The following ARHGEF10L variants were observed in gnomAD, a reference collection of about 807,000 sequenced individuals.
The protein encoded by ARHGEF10L is Rho guanine nucleotide exchange factor 10 like.
A neutral mutation model predicts 141.2 loss-of-function variants in ARHGEF10L; 69 were observed. The ratio of observed to expected loss-of-function variants is 0.49; its 90% CI spans 0.40 to 0.60. ARHGEF10L has a LOEUF of 0.60. Among genes scored for constraint, ARHGEF10L ranks in the 20% least tolerant of loss-of-function variants. The pLI is 0.00. For synonymous variants in ARHGEF10L, 711 were observed against 718.5 expected (o/e 0.99, Z 0.17); for missense variants, 1,482 against 1,734.3 (o/e 0.85, Z 2.58).
intron 28 of ARHGEF10L, 72 bp from the exon 29 acceptor site, chr1:17,696,776 A>C: frequency 7.2e-7 from 1 of 1,393,732 alleles, no homozygotes; most frequent in Non-Finnish European, 9.7e-7. Flanking sequence ...GTTCTCCAGG[A>C]GAGAGACTCA....
At chr1:17,587,103 A>G (rs1315239649) in intron 2 of ARHGEF10L, among the ~76,000 whole-genome samples, 1 of 152,224 alleles carries the variant, frequency 6.6e-6, no homozygotes, top group African/African-American at 2.4e-5. Context: ...CAAACATACA[A>G]TAAGCTTGTG....
In ARHGEF10L at chr1:17,645,753, C is replaced by T. The variant is rs529763966; in HGVS notation, c.2273-2801C>T. Among the ~76,000 whole-genome samples, 14 of 152,360 alleles carry T rather than the reference C, an allele frequency of 9.2e-5. 1 individual carries two copies. The highest frequency in any genetic ancestry group is 1.9e-4 in the East Asian group (1 of 5,182). On this transcript the variant is annotated intron_variant, in intron 21 of 28. Coordinates refer to ENST00000361221, the MANE Select transcript of ARHGEF10L (RefSeq NM_018125.4). ...TCGCAGGCACCGTGCAAGGCGCCCC[C>T]GTGGGTTAGTTCCTTGGCATCTGGA...
At chr1:17,599,494 G>T (rs1557784910) in intron 4 of ARHGEF10L, among the ~76,000 whole-genome samples, 1 of 152,186 alleles carries the variant, frequency 6.6e-6, no homozygotes, top group African/African-American at 2.4e-5. Context: ...CTAAGCTCAC[G>T]TCTGTTCCAG....
chr1:17,522,695 A>C, the ARHGEF10L span, among the ~76,000 whole-genome samples: 1 of 152,078 alleles, frequency 6.6e-6, no homozygotes, highest in African/African-American at 2.4e-5. Context: ...GCTTGCTCTG[A>C]GTGTGATGCC....
the ARHGEF10L span, among the ~76,000 whole-genome samples, chr1:17,516,492 A>C: frequency 0.013 from 1,929 of 152,254 alleles, 40 homozygotes; most frequent in African/African-American, 0.044. Flanking sequence ...CACAAAGGCC[A>C]GCTCTGGCAG....
Position 17,558,788 on chromosome 1 carries a change from C to A in ARHGEF10L, c.-44+18838C>A, listed in dbSNP as rs1429622501. ...GAGTCAGAAAGGATGCCCTGTGAAC[C>A]TCACTGAGGAGCTGTGGCTCTGTGG... is the stretch of plus-strand genomic sequence containing the variant. On this transcript the variant is annotated intron_variant, in intron 1 of 28. Transcript: ENST00000361221. This position sits in a 1 kb window ranked among gnomAD's most constrained non-coding sequence, Gnocchi z 4.2. Among the ~76,000 whole-genome samples, 3 of 152,204 alleles carry A rather than the reference C, an allele frequency of 2.0e-5. No individual in the cohort carries two copies. Among genetic ancestry groups the A allele is most frequent in the Non-Finnish European group, 4.4e-5 (3 of 68,032 alleles).
At chr1:17,526,070 C>T in the ARHGEF10L span, among the ~76,000 whole-genome samples, 1 of 151,988 alleles carries the variant, frequency 6.6e-6, no homozygotes, top group Non-Finnish European at 1.5e-5. Context: ...AATAACTCCC[C>T]CACTCCCCAT....
chr1:17,608,404 A>G (rs912215420), intron 7 of ARHGEF10L, among the ~76,000 whole-genome samples: 1 of 152,232 alleles, frequency 6.6e-6, no homozygotes, highest in Non-Finnish European at 1.5e-5. Flanking sequence ...TGCTCAGACC[A>G]GGCCTCAGCC....
chr1:17,538,632 T>A (rs998006537), upstream of ARHGEF10L, among the ~76,000 whole-genome samples: 2 of 151,500 alleles, frequency 1.3e-5, no homozygotes, highest in Non-Finnish European at 2.9e-5. Context: ...GGCTGGGGTC[T>A]GTCTGGTTCT....
intron 2 of ARHGEF10L, among the ~76,000 whole-genome samples, chr1:17,586,665 G>A (rs1287920865): frequency 3.3e-5 from 5 of 152,192 alleles, no homozygotes; most frequent in South Asian, 2.1e-4. Context: ...GGACCAGAGA[G>A]TAGAGGGGAC....
chr1:17,574,673 C>T (rs867315700), intron 1 of ARHGEF10L, among the ~76,000 whole-genome samples: 26 of 152,302 alleles, frequency 1.7e-4, no homozygotes, highest in Non-Finnish European at 2.9e-4. Flanking sequence ...CTTCTGCCTG[C>T]GCCCCTCCTG....
chr1:17,639,897 TCA>T lies in ARHGEF10L; in HGVS notation c.2172-302_2172-301del. The T allele has an allele frequency of 7.0e-7, 1 of 1,429,014 alleles. No individual in the cohort carries two copies. Among genetic ancestry groups the T allele is most frequent in the Non-Finnish European group, 9.3e-7 (1 of 1,078,938 alleles). The allele number at this position is 1,429,014 out of a possible 1,614,324, so 88.5% of individuals were successfully genotyped here. Reference sequence around the variant, plus strand: ...ACAGCTGACCGCTGACCAGGTGGAGTCACAGCCTGCAGAGGCTCTGCCGGGCA... The same window carrying T: ...ACAGCTGACCGCTGACCAGGTGGAGTCAGCCTGCAGAGGCTCTGCCGGGCA... On this transcript the variant is annotated intron_variant, in intron 20 of 28. Coordinates refer to ENST00000361221, the MANE Select transcript of ARHGEF10L (RefSeq NM_018125.4). This position sits in a 1 kb window ranked among gnomAD's most constrained non-coding sequence, Gnocchi z 4.3.
Position 17,697,282 on chromosome 1 carries a change from C to A in ARHGEF10L, c.3742C>A (p.Arg1248Ser), listed in dbSNP as rs763986259. The change falls in exon 29 of 29, where the codon CGC becomes AGC. Residue 1248 changes from arginine (R) to serine (S), a missense_variant. Arg to Ser is a moderately radical substitution (Grantham distance 110). Around this residue, in one of 3 missense-constraint regions of ARHGEF10L, gnomAD observed 858 missense variants for 966.3 expected, o/e 0.89. Coordinates refer to ENST00000361221, the MANE Select transcript of ARHGEF10L (RefSeq NM_018125.4). This position sits in a 1 kb window ranked among gnomAD's most constrained non-coding sequence, Gnocchi z 4.8. ...CATCATCTCCGGCGGGCAGGGCTAC[C>A]GCAACTTTGGCAGCGCTCTGGGCAG... ...VAIISGGQGY[R>S]NFGSALGSSG... 6.2e-7 allele frequency: 1 copy of A among 1,612,770 alleles called. No individual in the cohort carries two copies.
rs2060452199 is a variant in ARHGEF10L, at chr1:17,627,509, C to A, written c.1584+6C>A. On this transcript the variant is annotated splice_donor_region_variant and intron_variant, in intron 15 of 28. Coordinates refer to ENST00000361221, the MANE Select transcript of ARHGEF10L (RefSeq NM_018125.4). The surrounding 1 kb of genome is among the most constrained non-coding windows in gnomAD (Gnocchi z 4.0). ...ACCGCAGCAGCCTCAACAAGGTGAG[C>A]TGGGCCTCCCACCTGCCTGCCCTCA... 4.3e-6 allele frequency: 7 copies of A among 1,610,806 alleles called. No individual in the cohort carries two copies. The East Asian group carries it at 1.6e-4, about 36-fold the overall frequency.
At chr1:17,514,537 G>A in the ARHGEF10L span, among the ~76,000 whole-genome samples, 1 of 152,290 alleles carries the variant, frequency 6.6e-6, no homozygotes, top group East Asian at 1.9e-4. Flanking sequence ...CCATCCTTGG[G>A]AGTGGAACAT....
chr1:17,648,824 A>C (rs1466417025), intron 22 of ARHGEF10L, 149 bp downstream of exon 22: 3 of 1,277,356 alleles, frequency 2.3e-6, no homozygotes, highest in Non-Finnish European at 3.1e-6. Flanking sequence ...AGATTTGGTC[A>C]AGCCTTTTTG....
chr1:17,583,972 C>T (rs953768979), intron 2 of ARHGEF10L, among the ~76,000 whole-genome samples: 1 of 152,188 alleles, frequency 6.6e-6, no homozygotes, highest in Admixed American at 6.5e-5. Flanking sequence ...CTGCTACAGC[C>T]TCCTGAGTAG....
chr1:17,588,899 T>TGTGG (rs1557758147), intron 4 of ARHGEF10L, among the ~76,000 whole-genome samples: 5 of 30,048 alleles, frequency 1.7e-4, no homozygotes, highest in African/African-American at 3.9e-4. Context: ...TGTGTGTGTG[T>TGTGG]AGTGGGGGAG....
intron 26 of ARHGEF10L, among the ~76,000 whole-genome samples, chr1:17,682,874 G>T (rs553579735): frequency 6.6e-6 from 1 of 152,290 alleles, no homozygotes; most frequent in Non-Finnish European, 1.5e-5. Flanking sequence ...GTCTGGAGGT[G>T]CTTGGCCTGG....
Sources: gnomAD v4.1 joint callset for allele counts (sites outside exome capture counted in the v4.1 genomes callset) on GRCh38, gnomAD v4.1.1 for gene constraint, gnomAD v4.1.1 regional missense constraint, Gnocchi (gnomAD v3.1) non-coding constraint, MANE v1.5 for transcripts, NCBI Gene and HGNC (gene_info 2026-07-23, HGNC 2026-07-21) for gene names.